The following MFAP2 variants were observed in gnomAD, a reference collection of about 807,000 sequenced individuals.
MFAP2 encodes the protein microfibril associated protein 2, also known as microfibrillar-associated protein 2.
Under a neutral mutation model 30.6 loss-of-function variants are expected in MFAP2, and 23 were observed. That is an observed-to-expected ratio of 0.75 (90% CI 0.54 to 1.07). The LOEUF is 1.07. Ranked by LOEUF, MFAP2 falls within the 50% of genes least tolerant of loss-of-function variation. MFAP2 has a pLI of 0.00. For synonymous variants in MFAP2, 73 were observed against 85.7 expected (o/e 0.85, Z 0.82); for missense variants, 198 against 223.8 (o/e 0.88, Z 0.74).
At chr1:16,977,244 C>G in intron 2 of MFAP2, 46 bp from the exon 3 acceptor site, 1 of 1,592,322 alleles carries the variant, frequency 6.3e-7, no homozygotes, top group Non-Finnish European at 8.6e-7. Context: ...GGAGGGGCAA[C>G]GGGGGCCCGA....
chr1:16,976,306 C>G lies in MFAP2; in HGVS notation c.286+195G>C, dbSNP rs2076590843. On this transcript the variant is annotated intron_variant, in intron 6 of 8. Coordinates refer to ENST00000375535, the MANE Select transcript of MFAP2 (RefSeq NM_002403.4). This position sits in a 1 kb window ranked among gnomAD's most constrained non-coding sequence, Gnocchi z 5.5. ...TGCCAATTTAGCCTCCAGCCAGGCA[C>G]ACTGGGGACAGGTGGGACCTCCTGG... 4 of 670,828 alleles carry G rather than the reference C, an allele frequency of 6.0e-6. No homozygotes were observed. The Admixed American group carries it at 7.9e-5, about 13-fold the overall frequency. The allele number at this position is 670,828 out of a possible 1,614,324, so 41.6% of individuals were successfully genotyped here.
At chr1:16,980,279 C>T (rs1191229133) in intron 1 of MFAP2, among the ~76,000 whole-genome samples, 3 of 125,926 alleles carry the variant, frequency 2.4e-5, no homozygotes, top group Admixed American at 7.7e-5. Context: ...CCCCCCCCCC[C>T]ACCCCACCCG....
In MFAP2 at chr1:16,975,463, T is replaced by C. The variant is rs2076582498; in HGVS notation, c.375-121A>G. 2.7e-6 allele frequency: 3 copies of C among 1,106,862 alleles called. No individual in the cohort carries two copies. The highest frequency in any genetic ancestry group is 1.3e-5 in the South Asian group (1 of 74,536). The allele number at this position is 1,106,862 out of a possible 1,614,324, so 68.6% of individuals were successfully genotyped here. ...CTGGCACGGGAGCCCGGACAGAACC[T>C]GGCACTGGAGCCCAGGAGTGGAGGA... On this transcript the variant is annotated intron_variant, in intron 7 of 8. Coordinates refer to ENST00000375535, the MANE Select transcript of MFAP2 (RefSeq NM_002403.4). The surrounding 1 kb of genome is among the most constrained non-coding windows in gnomAD (Gnocchi z 5.0).
rs761350384 is a variant in MFAP2 at position 16,976,464 on chromosome 1, G to T, written c.286+37C>A. 1 of 1,613,796 alleles carries T rather than the reference G, an allele frequency of 6.2e-7. No homozygotes were observed. The highest frequency in any genetic ancestry group is 1.3e-5 in the African/African-American group (1 of 75,048). On this transcript the variant is annotated intron_variant, in intron 6 of 8. Transcript: ENST00000375535. This position sits in a 1 kb window ranked among gnomAD's most constrained non-coding sequence, Gnocchi z 5.5. ...CCCTACTCCACCCCAACTTCAGGGC[G>T]TGCCTCCATTTTTCCAGCTGTCAAG...
Position 16,975,840 on chromosome 1 carries a change from G to T in MFAP2, c.287-110C>A, listed in dbSNP as rs1323601855. 3.6e-6 allele frequency: 3 copies of T among 834,066 alleles called. No individual in the cohort carries two copies. Among genetic ancestry groups the T allele is most frequent in the Non-Finnish European group, 5.8e-6 (3 of 518,462 alleles). 51.7% of individuals were successfully genotyped at this position (834,066 alleles called of 1,614,324 possible). ...AGTCCCCCCTGTACCTTCAGGCCCC[G>T]TGCAGACACCCATACCTACACATGC... is the stretch of plus-strand genomic sequence containing the variant. On this transcript the variant is annotated intron_variant, in intron 6 of 8. Transcript: ENST00000375535. This position sits in a 1 kb window ranked among gnomAD's most constrained non-coding sequence, Gnocchi z 5.0.
chr1:16,975,820 C>A lies in MFAP2; in HGVS notation c.287-90G>T. Reference sequence around the variant, plus strand: ...GAGGCTGGCTCACAGGGCCTAGTCCCCCCTGTACCTTCAGGCCCCGTGCAG... The same window carrying A: ...GAGGCTGGCTCACAGGGCCTAGTCCACCCTGTACCTTCAGGCCCCGTGCAG... On this transcript the variant is annotated intron_variant, in intron 6 of 8. Coordinates refer to ENST00000375535, the MANE Select transcript of MFAP2 (RefSeq NM_002403.4). This position sits in a 1 kb window ranked among gnomAD's most constrained non-coding sequence, Gnocchi z 5.0. 1 of 1,092,382 alleles carries A rather than the reference C, an allele frequency of 9.2e-7. No individual in the cohort carries two copies. Among genetic ancestry groups the A allele is most frequent in the South Asian group, 1.4e-5 (1 of 73,242 alleles). The allele number at this position is 1,092,382 out of a possible 1,614,324, so 67.7% of individuals were successfully genotyped here.
upstream of MFAP2, among the ~76,000 whole-genome samples, chr1:16,981,195 C>A (rs1338634678): frequency 6.6e-6 from 1 of 152,216 alleles, no homozygotes; most frequent in Non-Finnish European, 1.5e-5. Context: ...TCTGGAACTT[C>A]CGGCCTCGAA....
chr1:16,975,646 T>C lies in MFAP2; in HGVS notation c.371A>G (p.Tyr124Cys), dbSNP rs529703434. 6.2e-7 allele frequency: 1 copy of C among 1,613,970 alleles called. No homozygotes were observed. The highest frequency in any genetic ancestry group is 8.5e-7 in the Non-Finnish European group (1 of 1,179,910). Residue 124 changes from tyrosine (Y) to cysteine (C), a missense_variant, in exon 7 of 9, where the codon TAC becomes TGC. Tyr to Cys is a radical substitution (Grantham distance 194). Transcript: ENST00000375535. The surrounding 1 kb of genome is among the most constrained non-coding windows in gnomAD (Gnocchi z 5.0). Reference protein sequence around the residue: ...CKQCLNEVCFYSLRRVYVINK... With the variant: ...CKQCLNEVCFCSLRRVYVINK... Reference sequence around the variant, plus strand: ...ACAGCTGCCCATCTGTGCTCACCTGTAGAAGCAGACCTCGTTGAGACACTG... The same window carrying C: ...ACAGCTGCCCATCTGTGCTCACCTGCAGAAGCAGACCTCGTTGAGACACTG...
In MFAP2 at chr1:16,976,841, A is replaced by AG. The variant is rs2076596384; in HGVS notation, c.155-48dup. 6.2e-7 allele frequency: 1 copy of AG among 1,613,896 alleles called. No homozygotes were observed. Among genetic ancestry groups the AG allele is most frequent in the Non-Finnish European group, 8.5e-7 (1 of 1,179,864 alleles). ...GGGGTCTGCTCCCTCTACCCCTCCC[A>AG]GGGGGTCTCCCCACCCCAGCTGCCG... On this transcript the variant is annotated intron_variant, in intron 4 of 8. Transcript: ENST00000375535. The surrounding 1 kb of genome is among the most constrained non-coding windows in gnomAD (Gnocchi z 5.5).
chr1:16,976,884 C>T lies in MFAP2; in HGVS notation c.154+13G>A. The T allele has an allele frequency of 6.2e-7, 1 of 1,614,142 alleles. No individual in the cohort carries two copies. Among genetic ancestry groups the T allele is most frequent in the Non-Finnish European group, 8.5e-7 (1 of 1,180,002 alleles). ...AGCTGCCGGCCCGTCCTATCCTACC[C>T]CTAGCCCGTTACCTTGATAATCATA... On this transcript the variant is annotated intron_variant, in intron 4 of 8. Transcript: ENST00000375535. This position sits in a 1 kb window ranked among gnomAD's most constrained non-coding sequence, Gnocchi z 5.5.
In MFAP2 at chr1:16,977,118, C is replaced by T. The variant is rs767651569; in HGVS notation, c.118G>A (p.Asp40Asn). The change falls in exon 3 of 9, where the codon GAC becomes AAC. Residue 40 changes from aspartate (D) to asparagine (N), a missense_variant. Asp to Asn is a conservative substitution (Grantham distance 23, BLOSUM62 1). Transcript: ENST00000375535. ...CCGGCAAGGCCCTTACCGATCTGGT[C>T]GCTATAGTGGGTGTACTGGACGTGG... The part of the protein sequence containing the change: ...PDHVQYTHYS[D>N]QIDNPDYYDY... 8.7e-6 allele frequency: 14 copies of T among 1,613,748 alleles called. No individual in the cohort carries two copies. The highest frequency in any genetic ancestry group is 2.7e-5 in the African/African-American group (2 of 74,920).
At chr1:16,977,291 C>A in intron 2 of MFAP2, 93 bp from the exon 3 acceptor site, 2 of 1,244,454 alleles carry the variant, frequency 1.6e-6, no homozygotes. Context: ...GTCACAAGGT[C>A]AGGCCCATAA....
At position 16,974,872 on chromosome 1, in the gene MFAP2, A is replaced by G; in HGVS notation, c.*48T>C. 1.7e-6 allele frequency: 1 copy of G among 590,214 alleles called. No homozygotes were observed. Among genetic ancestry groups the G allele is most frequent in the Non-Finnish European group, 3.0e-6 (1 of 335,216 alleles). The allele number at this position is 590,214 out of a possible 1,614,324, so 36.6% of individuals were successfully genotyped here. A position where few individuals can be genotyped will look rare whatever the true frequency, so the allele number is the denominator to read the frequency against. On this transcript the variant is annotated 3_prime_UTR_variant, in exon 9 of 9. Transcript: ENST00000375535. ...AAAGCACCAGGTCAGGCAGGGCCCGAGGGCCCCAGATCCCAGGAGGGCCAG... is the reference window on the plus strand; with the variant it reads ...AAAGCACCAGGTCAGGCAGGGCCCGGGGGCCCCAGATCCCAGGAGGGCCAG...
intron 3 of MFAP2, 27 bp downstream of exon 3, chr1:16,977,082 G>A (rs2100583964): frequency 6.2e-7 from 1 of 1,613,668 alleles, no homozygotes; most frequent in African/African-American, 1.3e-5. Context: ...GAGCAGCCAG[G>A]CCTCGGTGAC....
chr1:16,980,266 G>GGGCC (rs1557656617), intron 1 of MFAP2, among the ~76,000 whole-genome samples: 1 of 66,632 alleles, frequency 1.5e-5, no homozygotes, highest in South Asian at 6.5e-4. Flanking sequence ...ATTCCCACCG[G>GGGCC]ACCCCCCCCC....
At chr1:16,981,185 T>C (rs921469851), upstream of MFAP2, among the ~76,000 whole-genome samples, 2 of 152,168 alleles carry the variant, frequency 1.3e-5, no homozygotes, top group Non-Finnish European at 2.9e-5. Flanking sequence ...CCCAGGCTCG[T>C]CTGGAACTTC....
intron 1 of MFAP2, among the ~76,000 whole-genome samples, chr1:16,980,011 C>A (rs1482771588): frequency 6.6e-6 from 1 of 152,038 alleles, no homozygotes; most frequent in Admixed American, 6.5e-5. Flanking sequence ...CGGCCTCCCC[C>A]ACCCCCGACT....
At chr1:16,980,235 C>T (rs1173187084) in intron 1 of MFAP2, among the ~76,000 whole-genome samples, 2 of 150,978 alleles carry the variant, frequency 1.3e-5, no homozygotes, top group African/African-American at 4.9e-5. Context: ...CTCTTTGTCT[C>T]TCTGCGTCTC....
chr1:16,976,148 G>T lies in MFAP2; in HGVS notation c.286+353C>A. 2.0e-6 allele frequency: 1 copy of T among 502,698 alleles called. No individual in the cohort carries two copies. Among genetic ancestry groups the T allele is most frequent in the East Asian group, 3.6e-5 (1 of 27,974 alleles). 31.1% of individuals were successfully genotyped at this position (502,698 alleles called of 1,614,324 possible). A position where few individuals can be genotyped will look rare whatever the true frequency, so the allele number is the denominator to read the frequency against. ...TCAGCTAGGGCAGCCGGAGGGCACC[G>T]CTCAGCCAGCCTGCACTCCCTGGCC... On this transcript the variant is annotated intron_variant, in intron 6 of 8. Coordinates refer to ENST00000375535, the MANE Select transcript of MFAP2 (RefSeq NM_002403.4). The surrounding 1 kb of genome is among the most constrained non-coding windows in gnomAD (Gnocchi z 5.5).
Sources: allele counts gnomAD v4.1 joint callset (sites outside exome capture counted in the v4.1 genomes callset), GRCh38; gene constraint gnomAD v4.1.1; non-coding constraint Gnocchi (gnomAD v3.1); transcripts MANE v1.5; gene names NCBI Gene and HGNC (gene_info 2026-07-23, HGNC 2026-07-21).